Variants in CSMD1 observed in about 807,000 individuals in gnomAD.
CSMD1 encodes the protein CUB and sushi domain-containing protein 1.
CSMD1 carries 213 observed loss-of-function variants against 417.5 expected under a neutral mutation model. The observed-to-expected ratio is 0.51, with a 90% CI of 0.46 to 0.57. The LOEUF is 0.57. Among genes scored for constraint, CSMD1 ranks in the 20% least tolerant of loss-of-function variants. The pLI is 0.00. For synonymous variants in CSMD1, 2,862 were observed against 1,736.8 expected, an observed-to-expected ratio of 1.65 and a Z score of -16.11; for missense variants, 6,923 against 4,529.7, an observed-to-expected ratio of 1.53 and a Z score of -15.17.
intron 10 of CSMD1, among the ~76,000 whole-genome samples, chr8:3,540,870 C>G (rs191751911): frequency 6.6e-6 from 1 of 152,246 alleles, no homozygotes; most frequent in East Asian, 1.9e-4. Context: ...ATTAAAAAGT[C>G]AAGAAACAAC....
At chr8:4,799,715 A>T (rs921406628) in intron 1 of CSMD1, among the ~76,000 whole-genome samples, 1 of 151,978 alleles carries the variant, frequency 6.6e-6, no homozygotes, top group Non-Finnish European at 1.5e-5. Flanking sequence ...TATTTATTAA[A>T]AACAAAATTG....
At chr8:4,969,566 C>T (rs965895072) in intron 1 of CSMD1, among the ~76,000 whole-genome samples, 1 of 151,744 alleles carries the variant, frequency 6.6e-6, no homozygotes, top group Non-Finnish European at 1.5e-5. Context: ...TATCTCACAA[C>T]AGCTCAGTTC....
chr8:3,180,544 A>C (rs1165827140), intron 37 of CSMD1, among the ~76,000 whole-genome samples: 1 of 152,194 alleles, frequency 6.6e-6, no homozygotes, highest in Non-Finnish European at 1.5e-5. Flanking sequence ...TAATACAAAC[A>C]ACCTGAAATT....
intron 11 of CSMD1, among the ~76,000 whole-genome samples, chr8:3,489,169 A>T (rs1469502671): frequency 6.6e-6 from 1 of 152,182 alleles, no homozygotes; most frequent in African/African-American, 2.4e-5. Context: ...AGAAAACAAC[A>T]GGGAGAAATG....
At chr8:3,733,201 ACACACTCT>A (rs1156586572) in intron 6 of CSMD1, among the ~76,000 whole-genome samples, 3 of 116,754 alleles carry the variant, frequency 2.6e-5, no homozygotes, top group Admixed American at 1.6e-4. Flanking sequence ...ACACACACAC[ACACACTCT>A]CTCTCTCTCA....
intron 3 of CSMD1, among the ~76,000 whole-genome samples, chr8:4,230,458 C>G (rs1269033131): frequency 6.6e-6 from 1 of 152,084 alleles, no homozygotes; most frequent in African/African-American, 2.4e-5. Flanking sequence ...AATTATATCC[C>G]AATCAATAAC....
intron 12 of CSMD1, among the ~76,000 whole-genome samples, chr8:3,436,167 G>A (rs955198125): frequency 6.6e-6 from 1 of 151,994 alleles, no homozygotes; most frequent in East Asian, 1.9e-4. Context: ...TACCACCTGG[G>A]AGAACATCAA....
chr8:3,191,245 G>A (rs1796404608), intron 33 of CSMD1, among the ~76,000 whole-genome samples: 3 of 152,062 alleles, frequency 2.0e-5, no homozygotes, highest in Non-Finnish European at 2.9e-5. Flanking sequence ...ACTTGAGGTC[G>A]AGAGTTCGTT....
At position 3,837,034 on chromosome 8, in the gene CSMD1, G is replaced by C. The variant is rs545665799; in HGVS notation, c.819-82992C>G. The stretch of plus-strand genomic sequence containing the variant: ...AAGTTACTCCCTTCTTGGTGGCCAG[G>C]CTGGGTCAATTGATGCCCATGGGTG... On this transcript the variant is annotated intron_variant, in intron 5 of 69. Transcript: ENST00000635120. Among the ~76,000 whole-genome samples the C allele has an allele frequency of 6.6e-5, 10 of 151,882 alleles. No individual in the cohort carries two copies. The East Asian group carries it at 1.9e-3, about 30-fold the overall frequency.
At chr8:4,698,891 G>A (rs1005280117) in intron 1 of CSMD1, among the ~76,000 whole-genome samples, 1 of 148,424 alleles carries the variant, frequency 6.7e-6, no homozygotes, top group Non-Finnish European at 1.5e-5. Flanking sequence ...TTAAACATGT[G>A]CATACCCTCC....
At chr8:3,520,020 CTATATATA>C (rs33939239) in intron 10 of CSMD1, among the ~76,000 whole-genome samples, 1 of 137,586 alleles carries the variant, frequency 7.3e-6, no homozygotes, top group African/African-American at 3.0e-5. Flanking sequence ...GTGTATATAC[CTATATATA>C]TATATATATA....
intron 2 of CSMD1, among the ~76,000 whole-genome samples, chr8:4,442,326 A>G (rs989018434): frequency 3.3e-5 from 5 of 152,180 alleles, no homozygotes; most frequent in South Asian, 4.1e-4. Flanking sequence ...AGTATAAAGT[A>G]GAAGTTCTCC....
intron 1 of CSMD1, among the ~76,000 whole-genome samples, chr8:4,746,355 A>T (rs1810951006): frequency 6.6e-6 from 1 of 152,184 alleles, no homozygotes; most frequent in South Asian, 2.1e-4. Flanking sequence ...TTCAAGGGCT[A>T]TGGTTTTAAG....
At chr8:4,289,963 C>T (rs1797270985) in intron 3 of CSMD1, among the ~76,000 whole-genome samples, 4 of 152,186 alleles carry the variant, frequency 2.6e-5, no homozygotes, top group Admixed American at 1.3e-4. Context: ...AGAGGAGACT[C>T]ATTATTTCAT....
At chr8:4,687,924 T>A (rs1320398830) in intron 1 of CSMD1, among the ~76,000 whole-genome samples, 1 of 152,164 alleles carries the variant, frequency 6.6e-6, no homozygotes, top group Admixed American at 6.5e-5. Flanking sequence ...ATGTGAATTG[T>A]GATGGTTGAT....
intron 37 of CSMD1, among the ~76,000 whole-genome samples, chr8:3,178,056 G>C (rs1047367237): frequency 3.3e-5 from 5 of 152,010 alleles, no homozygotes; most frequent in African/African-American, 4.8e-5. Flanking sequence ...GCTTTTACTT[G>C]GATTCTGTAA....
At chr8:3,519,590 T>G (rs1284216788) in intron 10 of CSMD1, among the ~76,000 whole-genome samples, 2 of 152,160 alleles carry the variant, frequency 1.3e-5, no homozygotes, top group East Asian at 3.9e-4. Context: ...GAGACTACCT[T>G]CAAATCAGAA....
intron 3 of CSMD1, among the ~76,000 whole-genome samples, chr8:4,234,725 CT>C (rs1801942854): frequency 6.6e-6 from 1 of 152,158 alleles, no homozygotes; most frequent in Admixed American, 6.5e-5. Flanking sequence ...GGTGTCGCTG[CT>C]GCCGCTGAAA....
intron 1 of CSMD1, among the ~76,000 whole-genome samples, chr8:4,705,355 G>C (rs780346451): frequency 6.6e-6 from 1 of 151,982 alleles, no homozygotes; most frequent in Admixed American, 6.6e-5. Context: ...ATACTTTCTG[G>C]AAACCATGAT....
Sources: allele counts gnomAD v4.1 joint callset (sites outside exome capture counted in the v4.1 genomes callset), GRCh38; gene constraint gnomAD v4.1.1; transcripts MANE v1.5; gene names NCBI Gene and HGNC (gene_info 2026-07-23, HGNC 2026-07-21).